CLEC1B: variants seen among roughly 807,000 people sequenced by gnomAD.
The protein encoded by CLEC1B is C-type lectin domain family 1 member B.
A neutral mutation model predicts 26.7 loss-of-function variants in CLEC1B; 26 were observed. The observed-to-expected ratio is 0.97, with a 90% CI of 0.71 to 1.35. The LOEUF (loss-of-function observed/expected upper bound fraction) is 1.35, where lower values mean the gene tolerates loss of function less well. Among genes scored for constraint, CLEC1B ranks in the 40% most tolerant of loss-of-function variants. The pLI, the probability that CLEC1B is intolerant of heterozygous loss-of-function variation, is 0.00. For synonymous variants in CLEC1B, 112 were observed against 96.0 expected, an observed-to-expected ratio of 1.17 and a Z score of -0.97; for missense variants, 293 against 282.6, an observed-to-expected ratio of 1.04 and a Z score of -0.26.
chr12:10,001,639 A>G (rs1460337014), upstream of CLEC1B, among the ~76,000 whole-genome samples: 1 of 152,212 alleles, frequency 6.6e-6, no homozygotes. Context: ...CCCACATTCT[A>G]TAAATGTAAG....
chr12:9,996,720 A>T, intron 4 of CLEC1B, 126 bp downstream of exon 4: 1 of 937,564 alleles, frequency 1.1e-6, no homozygotes, highest in Non-Finnish European at 1.7e-6. Context: ...TAGGTTTCAC[A>T]AGGGTCTTAG....
intron 4 of CLEC1B, among the ~76,000 whole-genome samples, chr12:9,996,058 G>C (rs1016158938): frequency 2.6e-5 from 4 of 152,120 alleles, no homozygotes; most frequent in Middle Eastern, 3.2e-3. Context: ...AATAACAAGT[G>C]ATAATGCATT....
rs750379712 is a variant in CLEC1B, at chr12:9,996,999, T to C, written c.285A>G (p.Lys95=). 4.3e-6 allele frequency: 7 copies of C among 1,613,662 alleles called. No individual in the cohort carries two copies. The highest frequency in any genetic ancestry group is 1.3e-5 in the African/African-American group (1 of 74,926). Residue 95 remains lysine, a splice_region_variant and synonymous_variant, in exon 4 of 6, where the codon AAA becomes AAG. Transcript: ENST00000298527. ...TGTCACAGGGGCTGCATTTATGACC[T>C]TCTGGAGAAACCAAGCACAGGAATG... The part of the protein sequence containing the change: ...VKQSELKGTF[K]GHKCSPCDTN...
rs199738622 is a variant in CLEC1B at position 9,998,309 on chromosome 12, C to A, written c.136G>T (p.Val46Phe). ...ILLILCVGMVVGLVALGIWSV... is the reference protein window; with the variant it reads ...ILLILCVGMVFGLVALGIWSV... ...CAAATCCCCAGAGCCACCAGCCCGA[C>A]AACCATCCCCACGCACAGGATCAGC... The change falls in exon 2 of 6, where the codon GTC (valine) becomes TTC (phenylalanine). Residue 46 changes from valine to phenylalanine, a missense_variant. Val to Phe is a conservative substitution (Grantham distance 50, BLOSUM62 -1). Coordinates refer to ENST00000298527, the MANE Select transcript of CLEC1B (RefSeq NM_016509.4). 466 of 1,614,112 alleles carry A rather than the reference C, an allele frequency of 2.9e-4. 1 individual carries two copies. Among genetic ancestry groups the A allele is most frequent in the Non-Finnish European group, 4.7e-5 (56 of 1,180,022 alleles).
chr12:9,993,120 G>A lies in CLEC1B; in HGVS notation c.*23C>T, dbSNP rs759681144. On this transcript the variant is annotated 3_prime_UTR_variant, in exon 6 of 6. Transcript: ENST00000298527. ...ATTGTACAATAAAGCCCTTATCTGT[G>A]TTATCCTGTCCACCTCTTTGCATTA... 1 of 1,599,774 alleles carries A rather than the reference G, an allele frequency of 6.3e-7. No individual in the cohort carries two copies. The highest frequency in any genetic ancestry group is 1.7e-5 in the Admixed American group (1 of 59,730).
upstream of CLEC1B, chr12:9,999,158 C>A: frequency 1.8e-6 from 2 of 1,129,640 alleles, no homozygotes; most frequent in South Asian, 1.3e-5. Flanking sequence ...AATGTAGTTT[C>A]CAACTTTACA....
chr12:9,996,973 G>A lies in CLEC1B; in HGVS notation c.311C>T (p.Thr104Ile). The A allele has an allele frequency of 6.2e-7, 1 of 1,614,070 alleles. No individual in the cohort carries two copies. The highest frequency in any genetic ancestry group is 8.5e-7 in the Non-Finnish European group (1 of 1,179,978). ...GCTATCTCCATAATATCTCCAGTTT[G>A]TGTCACAGGGGCTGCATTTATGACC... Reference protein sequence around the residue: ...FKGHKCSPCDTNWRYYGDSCY... With the variant: ...FKGHKCSPCDINWRYYGDSCY... The change falls in exon 4 of 6, where the codon ACA (threonine) becomes ATA (isoleucine). Residue 104 changes from threonine (T) to isoleucine (I), a missense_variant. Thr to Ile is a moderately conservative substitution (Grantham distance 89). Coordinates refer to ENST00000298527, the MANE Select transcript of CLEC1B (RefSeq NM_016509.4).
chr12:9,993,286 A>G lies in CLEC1B; in HGVS notation c.547T>C (p.Phe183Leu). The G allele has an allele frequency of 1.2e-6, 2 of 1,610,584 alleles. No individual in the cohort carries two copies. Among genetic ancestry groups the G allele is most frequent in the South Asian group, 2.2e-5 (2 of 91,020 alleles). ...CCTTTTCCATCTTCCAAAAACTCAA[A>G]CCTGTGAAGGGAAAGTTAGAATAAA... The part of the protein sequence containing the change: ...EDGSVISENM[F>L]EFLEDGKGNM... Residue 183 changes from phenylalanine to leucine, a missense_variant and splice_region_variant, in exon 6 of 6, where the codon TTT (phenylalanine) becomes CTT (leucine). Physicochemically the swap from Phe to Leu is conservative, Grantham distance 22. Transcript: ENST00000298527.
Position 9,998,321 on chromosome 12 carries a change from C to A in CLEC1B, c.124G>T (p.Val42Leu). Residue 42 changes from valine to leucine, a missense_variant, in exon 2 of 6, where the codon GTG (valine) becomes TTG (leucine). Physicochemically the swap from Val to Leu is conservative, Grantham distance 32. Coordinates refer to ENST00000298527, the MANE Select transcript of CLEC1B (RefSeq NM_016509.4). ...VMALILLILCVGMVVGLVALG... is the reference protein window; with the variant it reads ...VMALILLILCLGMVVGLVALG... ...GCCACCAGCCCGACAACCATCCCCA[C>A]GCACAGGATCAGCAGAATCAAAGCC... The A allele has an allele frequency of 2.5e-6, 4 of 1,613,808 alleles. No homozygotes were observed. Among genetic ancestry groups the A allele is most frequent in the Non-Finnish European group, 3.4e-6 (4 of 1,179,832 alleles).
intron 4 of CLEC1B, chr12:9,996,612 G>T: frequency 1.7e-6 from 1 of 584,060 alleles, no homozygotes; most frequent in Non-Finnish European, 3.1e-6. Flanking sequence ...CTATGTACCT[G>T]AGCTGTCAGG....
upstream of CLEC1B, among the ~76,000 whole-genome samples, chr12:10,001,418 A>C (rs969106648): frequency 6.6e-6 from 1 of 152,182 alleles, no homozygotes; most frequent in Non-Finnish European, 1.5e-5. Context: ...TTCTCATTGT[A>C]ATTTAACCTT....
chr12:9,995,434 T>C (rs1487553349), intron 4 of CLEC1B, 188 bp from the exon 5 acceptor site: 14 of 567,788 alleles, frequency 2.5e-5, no homozygotes, highest in African/African-American at 9.4e-5. Context: ...AAAAAACTTA[T>C]AGGACACAGG....
At chr12:9,994,922 A>C in intron 5 of CLEC1B, 1 of 1,221,684 alleles carries the variant, frequency 8.2e-7, no homozygotes, top group Non-Finnish European at 1.1e-6. Context: ...GAATAATATC[A>C]GAGATAAAGG....
chr12:9,994,500 G>C (rs1864982239), intron 5 of CLEC1B, among the ~76,000 whole-genome samples: 1 of 152,082 alleles, frequency 6.6e-6, no homozygotes, highest in African/African-American at 2.4e-5. Context: ...CTGCAGTTTT[G>C]ATATACAGGA....
chr12:9,998,889 G>A (rs1020456092), intron 1 of CLEC1B, 148 bp downstream of exon 1: 3 of 537,848 alleles, frequency 5.6e-6, no homozygotes, highest in Non-Finnish European at 9.7e-6. Context: ...ATGAGCTTAT[G>A]AAAACACTAC....
At position 9,997,176 on chromosome 12, in the gene CLEC1B, T is replaced by C. The variant is rs1356362774; in HGVS notation, c.267A>G (p.Glu89=). Reference sequence around the variant, plus strand: ...AATACTTACTGAAAGTGCCCTTTAGTTCTGATTGTTTTACCACATATTGAC... The same window carrying C: ...AATACTTACTGAAAGTGCCCTTTAGCTCTGATTGTTTTACCACATATTGAC... ...RFCQYVVKQS[E]LKGTFKGHKC... The change falls in exon 3 of 6, where the codon GAA becomes GAG. Residue 89 remains glutamate, a synonymous_variant. Coordinates refer to ENST00000298527, the MANE Select transcript of CLEC1B (RefSeq NM_016509.4). 1 of 1,614,046 alleles carries C rather than the reference T, an allele frequency of 6.2e-7. No individual in the cohort carries two copies. The highest frequency in any genetic ancestry group is 2.2e-5 in the East Asian group (1 of 44,876).
At position 9,996,830 on chromosome 12, in the gene CLEC1B, A is replaced by G. The variant is rs1565571136; in HGVS notation, c.438+16T>C. 3 of 1,613,842 alleles carry G rather than the reference A, an allele frequency of 1.9e-6. No individual in the cohort carries two copies. Among genetic ancestry groups the G allele is most frequent in the Non-Finnish European group, 2.5e-6 (3 of 1,179,832 alleles). The stretch of plus-strand genomic sequence containing the variant: ...CTTCCTTGCCTCCAAAATATTTGAC[A>G]TAAGAATCTTCTTACCACAATGTTC... On this transcript the variant is annotated intron_variant, in intron 4 of 5. Coordinates refer to ENST00000298527, the MANE Select transcript of CLEC1B (RefSeq NM_016509.4).
upstream of CLEC1B, among the ~76,000 whole-genome samples, chr12:10,001,555 C>A (rs192392888): frequency 1.1e-4 from 16 of 152,332 alleles, no homozygotes; most frequent in Non-Finnish European, 2.2e-4. Context: ...TAGAAGCAAG[C>A]TGAGCGAAGA....
intron 1 of CLEC1B, among the ~76,000 whole-genome samples, chr12:9,998,712 A>G (rs1305044497): frequency 6.6e-6 from 1 of 152,134 alleles, no homozygotes; most frequent in Admixed American, 6.5e-5. Context: ...TTGCTTTAAT[A>G]AACAGCAAAT....
Sources: allele counts gnomAD v4.1 joint callset (sites outside exome capture counted in the v4.1 genomes callset), GRCh38; gene constraint gnomAD v4.1.1; transcripts MANE v1.5; gene names NCBI Gene and HGNC (gene_info 2026-07-23, HGNC 2026-07-21).